AQP7: variants seen among roughly 807,000 people sequenced by gnomAD.
AQP7 encodes aquaporin-7.
Under a neutral mutation model 26.1 loss-of-function variants are expected in AQP7, and 22 were observed. The observed-to-expected ratio is 0.84, with a 90% CI of 0.60 to 1.20. The LOEUF is 1.20. AQP7 is among the 50% of genes most tolerant of loss of function. The probability of loss-of-function intolerance (pLI) is 0.00; values close to 1 mark genes in which losing one functional copy is unlikely to be tolerated. For missense variants in AQP7, 412 were observed against 457.5 expected, an observed-to-expected ratio of 0.90 and a Z score of 0.91; for synonymous variants, 167 against 181.7, an observed-to-expected ratio of 0.92 and a Z score of 0.65.
Position 33,383,203 on chromosome 9 carries a change from T to G in AQP7, c.*1802A>C, listed in dbSNP as rs563202231. ...ATGATTCTCAACATTTTACATGTGG[T>G]AGCGCATTTAATATTCACAGCAACA... On this transcript the variant is annotated 3_prime_UTR_variant, in exon 8 of 8. Coordinates refer to ENST00000297988, the MANE Select transcript of AQP7 (RefSeq NM_001170.3). 1.5e-4 allele frequency: 23 copies of G among 152,328 alleles called. No homozygotes were observed. Among genetic ancestry groups the G allele is most frequent in the African/African-American group, 5.3e-4 (22 of 41,560 alleles). 9.4% of individuals were successfully genotyped at this position (152,328 alleles called of 1,614,324 possible). A position where few individuals can be genotyped will look rare whatever the true frequency, so the allele number is the denominator to read the frequency against.
chr9:33,383,359 T>A lies in AQP7; in HGVS notation c.*1646A>T, dbSNP rs1347723702. 1 of 152,150 alleles carries A rather than the reference T, an allele frequency of 6.6e-6. No homozygotes were observed. The highest frequency in any genetic ancestry group is 2.4e-5 in the African/African-American group (1 of 41,408). 9.4% of individuals were successfully genotyped at this position (152,150 alleles called of 1,614,324 possible). A position where few individuals can be genotyped will look rare whatever the true frequency, so the allele number is the denominator to read the frequency against. ...TCCAAGTCCCATAGGCAACTCAGAC[T>A]CAGCATGTCCATGATGTAACTTATC... is the stretch of plus-strand genomic sequence containing the variant. On this transcript the variant is annotated 3_prime_UTR_variant, in exon 8 of 8. Transcript: ENST00000297988.
rs536115552 is a variant in AQP7, at chr9:33,398,885, C to T, written c.26+2352G>A. 3.3e-5 allele frequency among the ~76,000 whole-genome samples: 5 copies of T among 152,222 alleles called. 1 individual carries two copies. The highest frequency in any genetic ancestry group is 1.2e-4 in the African/African-American group (5 of 41,508). ...AGCCTACAAAGCAAGAAACTGGCAG[C>T]CAACCAGATTCCCTAAGTAATCTGC... On this transcript the variant is annotated intron_variant, in intron 2 of 7. Coordinates refer to ENST00000297988, the MANE Select transcript of AQP7 (RefSeq NM_001170.3).
In AQP7 at chr9:33,386,141, G is replaced by C; in HGVS notation, c.461C>G (p.Thr154Arg). 3.7e-6 allele frequency: 6 copies of C among 1,613,986 alleles called. No homozygotes were observed. Among genetic ancestry groups the C allele is most frequent in the Non-Finnish European group, 5.1e-6 (6 of 1,179,876 alleles). ...GQLMVTGPVA[T>R]AGIFATYLPD... ...AAGGTAGGTGGCAAAAATGCCAGCTGTAGCGACGGGACCGGTCACCATCAG... is the reference window on the plus strand; with the variant it reads ...AAGGTAGGTGGCAAAAATGCCAGCTCTAGCGACGGGACCGGTCACCATCAG... The change falls in exon 6 of 8, where the codon ACA (threonine) becomes AGA (arginine). Residue 154 changes from threonine to arginine, a missense_variant. Physicochemically the swap from Thr to Arg is moderately conservative, Grantham distance 71. Coordinates refer to ENST00000297988, the MANE Select transcript of AQP7 (RefSeq NM_001170.3).
chr9:33,402,564 C>T lies in AQP7; in HGVS notation c.-217G>A, dbSNP rs1328128870. ...GGCGGCCTCGAGCGCTGCTCCTGCT[C>T]CTCCAGGGGAGAGGTCAGTAAGGCA... On this transcript the variant is annotated 5_prime_UTR_variant, in exon 1 of 8. Coordinates refer to ENST00000297988, the MANE Select transcript of AQP7 (RefSeq NM_001170.3). The T allele has an allele frequency of 2.0e-5, 3 of 152,802 alleles. No individual in the cohort carries two copies. Among genetic ancestry groups the T allele is most frequent in the African/African-American group, 4.8e-5 (2 of 41,470 alleles). The allele number at this position is 152,802 out of a possible 1,614,324, so 9.5% of individuals were successfully genotyped here. A position where few individuals can be genotyped will look rare whatever the true frequency, so the allele number is the denominator to read the frequency against.
intron 7 of AQP7, 134 bp downstream of exon 7, chr9:33,385,515 T>C: frequency 8.7e-7 from 1 of 1,151,936 alleles, no homozygotes; most frequent in Non-Finnish European, 1.3e-6. Flanking sequence ...ATGTTGGGAC[T>C]CACTCCTGCT....
chr9:33,396,307 G>A (rs2381023), intron 2 of AQP7, among the ~76,000 whole-genome samples: 34 of 152,100 alleles, frequency 2.2e-4, no homozygotes, highest in South Asian at 1.7e-3. Context: ...GCATGATGGC[G>A]CATGCCTGTA....
chr9:33,385,039 G>T lies in AQP7; in HGVS notation c.995C>A (p.Pro332His), dbSNP rs758660571. 6.2e-7 allele frequency: 1 copy of T among 1,611,822 alleles called. No homozygotes were observed. The highest frequency in any genetic ancestry group is 1.7e-5 in the Admixed American group (1 of 60,014). ...CTCTAGGGCCATGGATTCATGTAAGGGTGGGGCAGGGTGGACTGAAGATCT... is the reference window on the plus strand; with the variant it reads ...CTCTAGGGCCATGGATTCATGTAAGTGTGGGGCAGGGTGGACTGAAGATCT... ...ANRSSVHPAP[P>H]LHESMALEHF is the part of the protein sequence containing the mutation. Residue 332 changes from proline (P) to histidine (H), a missense_variant, in exon 8 of 8, where the codon CCC becomes CAC. Coordinates refer to ENST00000297988, the MANE Select transcript of AQP7 (RefSeq NM_001170.3).
At chr9:33,388,418 C>T (rs547416520) in intron 3 of AQP7, among the ~76,000 whole-genome samples, 1 of 152,304 alleles carries the variant, frequency 6.6e-6, no homozygotes, top group Non-Finnish European at 1.5e-5. Flanking sequence ...AAAACCCCAT[C>T]GCGTCTTCCC....
chr9:33,392,819 C>A (rs373598294), intron 3 of AQP7, among the ~76,000 whole-genome samples: 2 of 152,156 alleles, frequency 1.3e-5, no homozygotes, highest in African/African-American at 4.8e-5. Context: ...GAGCACCCGT[C>A]CTAATAACAA....
In AQP7 at chr9:33,383,392, C is replaced by G. The variant is rs547935804; in HGVS notation, c.*1613G>C. The G allele has an allele frequency of 2.0e-5, 3 of 152,280 alleles. No homozygotes were observed. Among genetic ancestry groups the G allele is most frequent in the South Asian group, 2.1e-4 (1 of 4,820 alleles). 9.4% of individuals were successfully genotyped at this position (152,280 alleles called of 1,614,324 possible). On this transcript the variant is annotated 3_prime_UTR_variant, in exon 8 of 8. Transcript: ENST00000297988. The stretch of plus-strand genomic sequence containing the variant: ...TCCATGATGTAACTTATCTTCCTCT[C>G]CAAACCATTTCCTCACTTGTGCCCT...
At chr9:33,395,418 T>C (rs1478497448) in intron 2 of AQP7, 2 of 561,542 alleles carry the variant, frequency 3.6e-6, no homozygotes, top group Non-Finnish European at 6.4e-6. Flanking sequence ...CCCCTTCTAG[T>C]TGGGACTGGA....
At chr9:33,389,221 G>C (rs1825154962) in intron 3 of AQP7, among the ~76,000 whole-genome samples, 1 of 152,098 alleles carries the variant, frequency 6.6e-6, no homozygotes, top group Non-Finnish European at 1.5e-5. Flanking sequence ...TAGAGACAGG[G>C]TTTCACGATG....
In AQP7 at chr9:33,385,070, C is replaced by T; in HGVS notation, c.964G>A (p.Ala322Thr). The change falls in exon 8 of 8, where the codon GCC (alanine) becomes ACC (threonine). Residue 322 changes from alanine to threonine, a missense_variant. By Grantham distance (58) the Ala-to-Thr change is moderately conservative. Coordinates refer to ENST00000297988, the MANE Select transcript of AQP7 (RefSeq NM_001170.3). The part of the protein sequence containing the change: ...SPLTPVSVSP[A>T]NRSSVHPAPP... ...GCAGGGTGGACTGAAGATCTGTTGGCAGGGCTCACAGAGACGGGGGTGAGG... is the reference window on the plus strand; with the variant it reads ...GCAGGGTGGACTGAAGATCTGTTGGTAGGGCTCACAGAGACGGGGGTGAGG... 1 of 1,611,906 alleles carries T rather than the reference C, an allele frequency of 6.2e-7. No individual in the cohort carries two copies. Among genetic ancestry groups the T allele is most frequent in the South Asian group, 1.1e-5 (1 of 90,986 alleles).
chr9:33,394,488 TTTTTTTTTTTTTTC>T (rs1825684358), intron 3 of AQP7, among the ~76,000 whole-genome samples: 1 of 4,526 alleles, frequency 2.2e-4, no homozygotes, highest in Admixed American at 9.6e-3. Context: ...CTCTCTCTCT[TTTTTTTTTTTTTTC>T]TTTTTTTTTT....
At chr9:33,387,229 C>T in intron 3 of AQP7, 137 bp from the exon 4 acceptor site, 1 of 1,028,064 alleles carries the variant, frequency 9.7e-7, no homozygotes, top group Non-Finnish European at 1.4e-6. Flanking sequence ...CTGCCACGCC[C>T]TCTTCCTCCA....
In AQP7 at chr9:33,386,401, C is replaced by T. The variant is rs754841874; in HGVS notation, c.406+3G>A. On this transcript the variant is annotated splice_donor_region_variant and intron_variant, in intron 5 of 7. Coordinates refer to ENST00000297988, the MANE Select transcript of AQP7 (RefSeq NM_001170.3). ...GAGGCGGACACCCGGGCAGGATACT[C>T]ACTGTAGAAGAGACTGTAGATGGTG... is the stretch of plus-strand genomic sequence containing the variant. 6.2e-7 allele frequency: 1 copy of T among 1,610,542 alleles called. No homozygotes were observed. Among genetic ancestry groups the T allele is most frequent in the South Asian group, 1.1e-5 (1 of 90,156 alleles).
intron 3 of AQP7, among the ~76,000 whole-genome samples, chr9:33,389,803 G>A (rs1356788858): frequency 2.6e-5 from 4 of 152,172 alleles, no homozygotes; most frequent in South Asian, 2.1e-4. Context: ...TTGGGAGGCC[G>A]AGGTGGATGG....
At chr9:33,385,429 C>G (rs148784515) in intron 7 of AQP7, 139 bp from the exon 8 acceptor site, 82,277 of 1,038,152 alleles carry the variant, frequency 0.079, 3,670 homozygotes, top group Admixed American at 0.14. Flanking sequence ...GGGCCCTGGT[C>G]AGCCTCAGCC....
chr9:33,386,482 T>C lies in AQP7; in HGVS notation c.328A>G (p.Arg110Gly), dbSNP rs767765778. The C allele has an allele frequency of 7.4e-6, 12 of 1,612,390 alleles. No individual in the cohort carries two copies. In the East Asian group the frequency reaches 8.9e-5, roughly 12 times the overall value. ...CCCAGCACATAGACCGGAAACTTCC[T>C]CCAGGGCACGCGGCCCAGCGCACAG... ...ANCALGRVPW[R>G]KFPVYVLGQF... Residue 110 changes from arginine (R) to glycine (G), a missense_variant, in exon 5 of 8, where the codon AGG becomes GGG. Coordinates refer to ENST00000297988, the MANE Select transcript of AQP7 (RefSeq NM_001170.3).
Sources: allele counts gnomAD v4.1 joint callset (sites outside exome capture counted in the v4.1 genomes callset), GRCh38; gene constraint gnomAD v4.1.1; transcripts MANE v1.5; gene names NCBI Gene and HGNC (gene_info 2026-07-23, HGNC 2026-07-21).